Variants in CNTNAP5 observed in about 807,000 individuals in gnomAD.
CNTNAP5 encodes the protein contactin associated protein family member 5.
A neutral mutation model predicts 150.2 loss-of-function variants in CNTNAP5; 72 were observed. That is an observed-to-expected ratio of 0.48 (90% CI 0.40 to 0.58). The LOEUF (loss-of-function observed/expected upper bound fraction) is 0.58, where lower values mean the gene tolerates loss of function less well. CNTNAP5 is among the 20% of genes least tolerant of loss of function. The pLI, the probability that CNTNAP5 is intolerant of heterozygous loss-of-function variation, is 0.00. For synonymous variants in CNTNAP5, 672 were observed against 619.8 expected, an observed-to-expected ratio of 1.08 and a Z score of -1.25; for missense variants, 1,636 against 1,626.2, an observed-to-expected ratio of 1.01 and a Z score of -0.10.
intron 11 of CNTNAP5, among the ~76,000 whole-genome samples, chr2:124,570,899 C>T (rs1443022568): frequency 2.6e-5 from 4 of 152,206 alleles, no homozygotes; most frequent in African/African-American, 9.7e-5. Context: ...GTCTGTCTCA[C>T]TCTGACAGCC....
chr2:124,553,222 G>T (rs996339569), intron 10 of CNTNAP5, among the ~76,000 whole-genome samples: 1 of 152,150 alleles, frequency 6.6e-6, no homozygotes, highest in Admixed American at 6.5e-5. Flanking sequence ...GAAATAGTTG[G>T]GCCTGGCAGG....
intron 22 of CNTNAP5, among the ~76,000 whole-genome samples, chr2:124,904,605 T>C (rs959127996): frequency 6.6e-6 from 1 of 151,990 alleles, no homozygotes. Context: ...TTTGGCAAAA[T>C]TTCCAAAAAT....
At chr2:124,038,155 T>C (rs1459200151) in intron 1 of CNTNAP5, among the ~76,000 whole-genome samples, 2 of 152,312 alleles carry the variant, frequency 1.3e-5, no homozygotes, top group East Asian at 3.9e-4. Context: ...TGACTAGTGC[T>C]CAGTGATGGG....
At chr2:124,368,616 A>G (rs1690436979) in intron 3 of CNTNAP5, among the ~76,000 whole-genome samples, 2 of 152,188 alleles carry the variant, frequency 1.3e-5, no homozygotes, top group African/African-American at 4.8e-5. Context: ...GAACAAGGAC[A>G]TAAGAAAGAA....
intron 1 of CNTNAP5, among the ~76,000 whole-genome samples, chr2:124,042,134 T>C (rs1205946558): frequency 6.6e-6 from 1 of 152,206 alleles, no homozygotes; most frequent in African/African-American, 2.4e-5. Flanking sequence ...GTGCTGGGAT[T>C]ACCGGCATGA....
At chr2:124,847,688 C>T (rs182243107) in intron 19 of CNTNAP5, among the ~76,000 whole-genome samples, 4 of 152,246 alleles carry the variant, frequency 2.6e-5, no homozygotes, top group African/African-American at 7.2e-5. Flanking sequence ...AAGTTTACGA[C>T]GTGAGTCTCC....
chr2:124,628,616 T>TA (rs1677780607), intron 12 of CNTNAP5, among the ~76,000 whole-genome samples: 1 of 152,104 alleles, frequency 6.6e-6, no homozygotes, highest in Non-Finnish European at 1.5e-5. Context: ...AAAAACACAC[T>TA]GAAGTACACA....
At chr2:124,607,343 G>A (rs1677262919) in intron 11 of CNTNAP5, among the ~76,000 whole-genome samples, 1 of 152,092 alleles carries the variant, frequency 6.6e-6, no homozygotes, top group Non-Finnish European at 1.5e-5. Context: ...AAACTTCCAG[G>A]CTCACTCCTG....
intron 13 of CNTNAP5, among the ~76,000 whole-genome samples, chr2:124,728,537 C>G (rs1213880218): frequency 6.6e-6 from 1 of 151,970 alleles, no homozygotes; most frequent in African/African-American, 2.4e-5. Flanking sequence ...TGAACAGACA[C>G]AAGTAATGTT....
At chr2:124,645,493 A>C (rs531413340) in intron 12 of CNTNAP5, among the ~76,000 whole-genome samples, 1 of 152,270 alleles carries the variant, frequency 6.6e-6, no homozygotes, top group Non-Finnish European at 1.5e-5. Context: ...GCTTGAGCCC[A>C]GGTGGCCAAG....
intron 3 of CNTNAP5, among the ~76,000 whole-genome samples, chr2:124,298,046 T>G (rs1053053760): frequency 1.8e-4 from 27 of 152,082 alleles, no homozygotes; most frequent in Non-Finnish European, 3.8e-4. Context: ...GGTTTTACCA[T>G]GTTGGTCAGG....
intron 13 of CNTNAP5, among the ~76,000 whole-genome samples, chr2:124,712,253 G>A (rs1679823267): frequency 6.6e-6 from 1 of 152,144 alleles, no homozygotes; most frequent in African/African-American, 2.4e-5. Flanking sequence ...CTACAAATAA[G>A]GCTAAATCTG....
At chr2:124,609,532 C>A (rs1244656335) in intron 11 of CNTNAP5, among the ~76,000 whole-genome samples, 1 of 151,848 alleles carries the variant, frequency 6.6e-6, no homozygotes, top group Non-Finnish European at 1.5e-5. Flanking sequence ...TTTGAGGCTG[C>A]AATGTGCCGT....
At chr2:124,838,342 G>C (rs1682871765) in intron 19 of CNTNAP5, among the ~76,000 whole-genome samples, 1 of 152,012 alleles carries the variant, frequency 6.6e-6, no homozygotes, top group Admixed American at 6.6e-5. Flanking sequence ...CTTGAGATCT[G>C]ATCCAGATTG....
chr2:124,098,344 G>A (rs1413662143), intron 1 of CNTNAP5, among the ~76,000 whole-genome samples: 23 of 152,094 alleles, frequency 1.5e-4, no homozygotes, highest in Admixed American at 1.5e-3. Context: ...GGGGGGAATT[G>A]GTCTTGATAT....
At chr2:124,035,910 CTTTTTTTTTTTTTT>C (rs759598012) in intron 1 of CNTNAP5, among the ~76,000 whole-genome samples, 3 of 76,528 alleles carry the variant, frequency 3.9e-5, no homozygotes, top group East Asian at 5.0e-4. Flanking sequence ...AGGATGAACT[CTTTTTTTTTTTTTT>C]TTTTTTTTTT....
intron 3 of CNTNAP5, among the ~76,000 whole-genome samples, chr2:124,352,653 T>G (rs1159298317): frequency 1.3e-5 from 2 of 152,226 alleles, no homozygotes; most frequent in East Asian, 3.9e-4. Flanking sequence ...GACCAGAGAA[T>G]GTTTTGCCTC....
intron 1 of CNTNAP5, among the ~76,000 whole-genome samples, chr2:124,030,651 C>T (rs1277724341): frequency 6.6e-6 from 1 of 151,032 alleles, no homozygotes; most frequent in East Asian, 1.9e-4. Context: ...AGAGTCACAT[C>T]TAAAAGAAAA....
intron 16 of CNTNAP5, among the ~76,000 whole-genome samples, chr2:124,768,514 A>G (rs556399149): frequency 6.6e-6 from 1 of 152,298 alleles, no homozygotes; most frequent in South Asian, 2.1e-4. Context: ...TTGAGCAATT[A>G]TTCTGATTAG....
Sources: gnomAD v4.1 joint callset for allele counts (sites outside exome capture counted in the v4.1 genomes callset) on GRCh38, gnomAD v4.1.1 for gene constraint, MANE v1.5 for transcripts, NCBI Gene and HGNC (gene_info 2026-07-23, HGNC 2026-07-21) for gene names.